The following VDAC2 variants were observed in gnomAD, a reference collection of about 807,000 sequenced individuals.
VDAC2 encodes non-selective voltage-gated ion channel VDAC2.
In VDAC2, 6 loss-of-function variants were observed where a neutral mutation model predicts 36.6. That is an observed-to-expected ratio of 0.16 (90% CI 0.09 to 0.32). The LOEUF is 0.32. VDAC2 is among the 10% of genes least tolerant of loss of function. VDAC2 has a pLI of 1.00. For synonymous variants in VDAC2, 109 were observed against 123.8 expected, an observed-to-expected ratio of 0.88 and a Z score of 0.79; for missense variants, 247 against 346.0, an observed-to-expected ratio of 0.71 and a Z score of 2.27.
intron 6 of VDAC2, 46 bp downstream of exon 6, chr10:75,219,402 CTT>C (rs759603509): frequency 1.4e-6 from 2 of 1,469,472 alleles, no homozygotes; most frequent in African/African-American, 2.8e-5. Context: ...AAGTATTTCT[CTT>C]TTGTATATTT....
chr10:75,218,020 T>C (rs1483355861), intron 4 of VDAC2: 7 of 1,062,302 alleles, frequency 6.6e-6, no homozygotes, highest in East Asian at 5.9e-5. Context: ...CCTGGGAGGT[T>C]GAGGCTGCAG....
intron 4 of VDAC2, among the ~76,000 whole-genome samples, chr10:75,214,798 T>A (rs757683186): frequency 1.3e-5 from 2 of 152,244 alleles, no homozygotes; most frequent in African/African-American, 2.4e-5. Context: ...GTGCTGGGAT[T>A]ACAGGTGTGA....
intron 2 of VDAC2, chr10:75,211,544 A>G: frequency 1.3e-6 from 2 of 1,550,174 alleles, no homozygotes; most frequent in Non-Finnish European, 1.7e-6. Flanking sequence ...CAAGGTCATT[A>G]CTTGTGCTCC....
Position 75,229,598 on chromosome 10 carries a change from T to G in VDAC2, c.736-46T>G, listed in dbSNP as rs559314551. 199 of 1,458,718 alleles carry G rather than the reference T, an allele frequency of 1.4e-4. 3 individuals carry two copies. In the South Asian group the frequency reaches 2.3e-3, roughly 17 times the overall value. The allele number at this position is 1,458,718 out of a possible 1,614,324, so 90.4% of individuals were successfully genotyped here. A position where few individuals can be genotyped will look rare whatever the true frequency, so the allele number is the denominator to read the frequency against. ...TGGGGAAACATGTAGGGGCTTTGTC[T>G]CTATTGAAATATTTTTCTTACAGTT... On this transcript the variant is annotated intron_variant, in intron 8 of 9. Transcript: ENST00000332211.
chr10:75,223,459 C>T (rs1488332637), intron 8 of VDAC2, among the ~76,000 whole-genome samples: 1 of 152,168 alleles, frequency 6.6e-6, no homozygotes, highest in Non-Finnish European at 1.5e-5. Context: ...CAGCTTGGGA[C>T]CCCTGTGTCA....
chr10:75,224,280 C>T (rs751173445), intron 8 of VDAC2, among the ~76,000 whole-genome samples: 3 of 152,158 alleles, frequency 2.0e-5, no homozygotes, highest in Non-Finnish European at 2.9e-5. Context: ...GTGAGGAAAG[C>T]CCTCACACAT....
At chr10:75,222,173 G>T in intron 7 of VDAC2, 79 bp from the exon 8 acceptor site, 1 of 1,411,736 alleles carries the variant, frequency 7.1e-7, no homozygotes, top group Non-Finnish European at 9.6e-7. Context: ...TTATTTAAAT[G>T]TAATGCTACA....
intron 4 of VDAC2, among the ~76,000 whole-genome samples, chr10:75,215,194 G>A (rs183692595): frequency 6.6e-6 from 1 of 152,220 alleles, no homozygotes; most frequent in Admixed American, 6.5e-5. Flanking sequence ...GATTACAGAT[G>A]TGAGCCACCA....
At chr10:75,224,361 C>T (rs1841897869) in intron 8 of VDAC2, among the ~76,000 whole-genome samples, 1 of 152,096 alleles carries the variant, frequency 6.6e-6, no homozygotes, top group Non-Finnish European at 1.5e-5. Flanking sequence ...TCTGTATCCT[C>T]AGAATTGATG....
intron 8 of VDAC2, among the ~76,000 whole-genome samples, chr10:75,224,675 A>G (rs1429640782): frequency 1.3e-5 from 2 of 152,232 alleles, no homozygotes; most frequent in Non-Finnish European, 2.9e-5. Context: ...CTAAAATCAA[A>G]GTGAAAGAGT....
chr10:75,211,691 G>A, intron 2 of VDAC2: 5 of 1,549,796 alleles, frequency 3.2e-6, no homozygotes, highest in Non-Finnish European at 3.5e-6. Context: ...ATATTTAGTT[G>A]ATGTAGACAT....
chr10:75,212,393 T>C, intron 3 of VDAC2, 95 bp downstream of exon 3: 1 of 1,109,922 alleles, frequency 9.0e-7, no homozygotes, highest in South Asian at 1.4e-5. Context: ...AAATTGTAAA[T>C]ATCTTGCTGC....
chr10:75,222,424 G>A, intron 8 of VDAC2, 22 bp downstream of exon 8: 1 of 1,613,056 alleles, frequency 6.2e-7, no homozygotes, highest in South Asian at 1.1e-5. Flanking sequence ...TGTGGACTTA[G>A]AATGGGGGTT....
At chr10:75,212,667 G>A (rs979584796) in intron 3 of VDAC2, among the ~76,000 whole-genome samples, 24 of 152,218 alleles carry the variant, frequency 1.6e-4, no homozygotes, top group Admixed American at 9.8e-4. Flanking sequence ...GTTGGATTAC[G>A]TTACAGACAT....
At chr10:75,219,783 C>CT (rs1841747225) in intron 6 of VDAC2, among the ~76,000 whole-genome samples, 2 of 145,212 alleles carry the variant, frequency 1.4e-5, no homozygotes, top group African/African-American at 5.3e-5. Flanking sequence ...CCACGCCCAG[C>CT]CTTTTTTTTT....
chr10:75,217,906 G>A (rs1841655442), intron 4 of VDAC2: 3 of 1,287,154 alleles, frequency 2.3e-6, no homozygotes, highest in African/African-American at 1.5e-5. Flanking sequence ...ATTTCTGGCT[G>A]TAGTCTCTTT....
intron 6 of VDAC2, among the ~76,000 whole-genome samples, chr10:75,220,479 C>T (rs540499819): frequency 6.6e-6 from 1 of 152,322 alleles, no homozygotes; most frequent in East Asian, 1.9e-4. Context: ...TTTGTTGTTG[C>T]ACTAACTTGG....
chr10:75,217,196 G>A (rs1841632079), intron 4 of VDAC2, among the ~76,000 whole-genome samples: 1 of 152,168 alleles, frequency 6.6e-6, no homozygotes, highest in Admixed American at 6.5e-5. Context: ...GTTTGAGGCT[G>A]CAGTGAGCTA....
intron 2 of VDAC2, 184 bp downstream of exon 2, chr10:75,211,373 G>A: frequency 7.1e-7 from 1 of 1,400,066 alleles, no homozygotes; most frequent in Non-Finnish European, 9.5e-7. Context: ...TTCAAATGGG[G>A]AACAAGGCCC....
Sources: allele counts gnomAD v4.1 joint callset (sites outside exome capture counted in the v4.1 genomes callset), GRCh38; gene constraint gnomAD v4.1.1; transcripts MANE v1.5; gene names NCBI Gene and HGNC (gene_info 2026-07-23, HGNC 2026-07-21).